The following CCDC138 variants were observed in gnomAD, a reference collection of about 807,000 sequenced individuals.
CCDC138 encodes coiled-coil domain-containing protein 138.
In CCDC138, 66 loss-of-function variants were observed where a neutral mutation model predicts 82.3. The observed-to-expected ratio is 0.80, with a 90% confidence interval of 0.66 to 0.98. CCDC138 has a LOEUF of 0.98. CCDC138 is among the 50% of genes least tolerant of loss of function. CCDC138 has a pLI of 0.00. For missense variants in CCDC138, 816 were observed against 758.9 expected (o/e 1.08, Z -0.88); for synonymous variants, 297 against 265.4 (o/e 1.12, Z -1.16).
intron 12 of CCDC138, among the ~76,000 whole-genome samples, chr2:108,849,919 G>C (rs1691171310): frequency 6.6e-6 from 1 of 152,184 alleles, no homozygotes; most frequent in African/African-American, 2.4e-5. Context: ...CTCTCCAGTA[G>C]CTGCAGGCAG....
intron 12 of CCDC138, 42 bp from the exon 13 acceptor site, chr2:108,856,752 G>C (rs745465667): frequency 1.9e-5 from 30 of 1,584,178 alleles, no homozygotes; most frequent in Non-Finnish European, 2.6e-5. Flanking sequence ...TTGACACCTA[G>C]ACTAGCAAAA....
chr2:108,804,624 G>T (rs920897092), intron 6 of CCDC138, among the ~76,000 whole-genome samples: 1 of 152,138 alleles, frequency 6.6e-6, no homozygotes, highest in Admixed American at 6.5e-5. Flanking sequence ...CTGAGCAGAA[G>T]CAGAAAATAG....
At chr2:108,809,410 T>A (rs74631370) in intron 7 of CCDC138, among the ~76,000 whole-genome samples, 1,893 of 152,068 alleles carry the variant, frequency 0.012, 38 homozygotes, top group African/African-American at 0.044. Context: ...TTGGTTATTT[T>A]GACAGTATTA....
intron 13 of CCDC138, among the ~76,000 whole-genome samples, chr2:108,872,554 G>A (rs1332588000): frequency 1.3e-5 from 2 of 152,086 alleles, no homozygotes; most frequent in African/African-American, 4.8e-5. Flanking sequence ...AAGTTAAAAT[G>A]AACAGAACTT....
intron 13 of CCDC138, among the ~76,000 whole-genome samples, chr2:108,864,564 A>G (rs982145781): frequency 2.0e-5 from 3 of 151,986 alleles, no homozygotes; most frequent in African/African-American, 7.2e-5. Context: ...TTGGGAGGCC[A>G]AGGCGGGCAG....
chr2:108,827,706 C>T (rs939352032), intron 10 of CCDC138, among the ~76,000 whole-genome samples: 2 of 151,678 alleles, frequency 1.3e-5, no homozygotes, highest in Admixed American at 6.6e-5. Flanking sequence ...GTCCCAGCTA[C>T]TCGGGAGGCT....
At chr2:108,859,053 T>C (rs182334746) in intron 13 of CCDC138, among the ~76,000 whole-genome samples, 175 of 152,306 alleles carry the variant, frequency 1.1e-3, no homozygotes, top group African/African-American at 3.8e-3. Context: ...ATAGGATTGC[T>C]GAATCGAATG....
chr2:108,840,871 G>T (rs547940108), intron 11 of CCDC138, among the ~76,000 whole-genome samples: 8 of 151,360 alleles, frequency 5.3e-5, no homozygotes, highest in Admixed American at 2.6e-4. Flanking sequence ...GAATTCACTG[G>T]CACAGTCTCG....
chr2:108,795,058 T>C (rs111621069), intron 5 of CCDC138, among the ~76,000 whole-genome samples: 153 of 26,106 alleles, frequency 5.9e-3, no homozygotes, highest in African/African-American at 7.4e-3. Context: ...TAAGTACTTA[T>C]ATATAAAAAG....
At chr2:108,880,224 C>CAA (rs3028925), downstream of CCDC138, among the ~76,000 whole-genome samples, 10,884 of 50,146 alleles carry the variant, frequency 0.22, 513 homozygotes, top group East Asian at 0.43. Context: ...CAAAAACAAA[C>CAA]AAAAAAAAAA....
intron 5 of CCDC138, among the ~76,000 whole-genome samples, chr2:108,798,213 G>C (rs1187802275): frequency 2.0e-5 from 3 of 152,090 alleles, no homozygotes; most frequent in African/African-American, 4.8e-5. Flanking sequence ...CATCACAGTG[G>C]ACTCTTACTA....
chr2:108,818,617 A>C (rs1487130459), intron 10 of CCDC138, among the ~76,000 whole-genome samples: 1 of 152,210 alleles, frequency 6.6e-6, no homozygotes, highest in Non-Finnish European at 1.5e-5. Context: ...ACTTGTGGCC[A>C]TCGCAAGCAG....
In CCDC138 at chr2:108,798,571, T is replaced by C. The variant is rs758961044; in HGVS notation, c.720T>C (p.Phe240=). 1 of 1,608,486 alleles carries C rather than the reference T, an allele frequency of 6.2e-7. No homozygotes were observed. Among genetic ancestry groups the C allele is most frequent in the Non-Finnish European group, 8.5e-7 (1 of 1,177,692 alleles). Reference sequence around the variant, plus strand: ...TTGAAGAAGAGGTTCTTACAAGATTTCAAATTATAAAAGAGGTAACTATAT... The same window carrying C: ...TTGAAGAAGAGGTTCTTACAAGATTCCAAATTATAAAAGAGGTAACTATAT... The part of the protein sequence containing the change: ...KGVEEEVLTR[F]QIIKEQHDAE... Residue 240 remains phenylalanine (F), a synonymous_variant, in exon 6 of 15, where the codon TTT becomes TTC. Transcript: ENST00000295124.
chr2:108,794,211 G>T (rs977747686), intron 4 of CCDC138, among the ~76,000 whole-genome samples: 8 of 152,064 alleles, frequency 5.3e-5, no homozygotes, highest in African/African-American at 1.9e-4. Context: ...TGGTTTAGGG[G>T]AGAGAGGGGA....
At chr2:108,793,417 G>GTATA (rs1680277064) in intron 4 of CCDC138, among the ~76,000 whole-genome samples, 1 of 152,156 alleles carries the variant, frequency 6.6e-6, no homozygotes, top group Non-Finnish European at 1.5e-5. Flanking sequence ...AATTCTGACA[G>GTATA]TATAGTGCTG....
chr2:108,827,259 A>T (rs1400571213), intron 10 of CCDC138, among the ~76,000 whole-genome samples: 2 of 152,234 alleles, frequency 1.3e-5, no homozygotes, highest in Non-Finnish European at 2.9e-5. Context: ...TGATTTCAGT[A>T]AAGTATCCAG....
At chr2:108,817,727 C>A (rs1164290437) in intron 10 of CCDC138, among the ~76,000 whole-genome samples, 1 of 152,202 alleles carries the variant, frequency 6.6e-6, no homozygotes, top group Non-Finnish European at 1.5e-5. Flanking sequence ...CTCCCTTAGC[C>A]TCCAGAAAGG....
At chr2:108,792,679 C>T (rs547122490) in intron 4 of CCDC138, among the ~76,000 whole-genome samples, 1 of 152,292 alleles carries the variant, frequency 6.6e-6, no homozygotes, top group East Asian at 1.9e-4. Context: ...ATTTTTACTT[C>T]TCCGTTGTCT....
At position 108,815,954 on chromosome 2, in the gene CCDC138, G is replaced by T. The variant is rs373684179; in HGVS notation, c.1055G>T (p.Gly352Val). The T allele has an allele frequency of 4.5e-5, 73 of 1,608,404 alleles. No homozygotes were observed. The highest frequency in any genetic ancestry group is 1.7e-4 in the Middle Eastern group (1 of 6,060). Residue 352 changes from glycine (G) to valine (V), a missense_variant, in exon 10 of 15, where the codon GGG becomes GTG. Transcript: ENST00000295124. ...VSKTYKVPLN[G>V]QVYELLTVFM... ...TTTGACATATAGGTACCACTTAATG[G>T]GCAAGTTTATGAACTTTTAACTGTC...
Sources: gnomAD v4.1 joint callset for allele counts (sites outside exome capture counted in the v4.1 genomes callset) on GRCh38, gnomAD v4.1.1 for gene constraint, MANE v1.5 for transcripts, NCBI Gene and HGNC (gene_info 2026-07-23, HGNC 2026-07-21) for gene names.